Variants in ACAD8 observed in about 807,000 individuals in gnomAD.
ACAD8 encodes acyl-CoA dehydrogenase family member 8.
In ACAD8, 47 loss-of-function variants were observed where a neutral mutation model predicts 53.1. The observed-to-expected ratio is 0.89, with a 90% CI of 0.70 to 1.13. ACAD8 has a LOEUF of 1.13. ACAD8 is among the 50% of genes most tolerant of loss of function. The pLI is 0.00. For missense variants in ACAD8, 494 were observed against 535.0 expected, an observed-to-expected ratio of 0.92 and a Z score of 0.76; for synonymous variants, 198 against 201.3, an observed-to-expected ratio of 0.98 and a Z score of 0.14.
rs553260205 is a variant in ACAD8 at position 134,263,656 on chromosome 11, A to G, written c.1195+1034A>G. 1.1e-5 allele frequency: 11 copies of G among 985,322 alleles called. No homozygotes were observed. In the South Asian group the frequency reaches 3.8e-4, roughly 34 times the overall value. 61.0% of individuals were successfully genotyped at this position (985,322 alleles called of 1,614,324 possible). A position where few individuals can be genotyped will look rare whatever the true frequency, so the allele number is the denominator to read the frequency against. ...AATTCCCGAGAGTCGTTTTCCTTCC[A>G]TTACTCTTGGAATTGCTTTCTCACT... On this transcript the variant is annotated intron_variant, in intron 10 of 10. Transcript: ENST00000281182.
chr11:134,261,303 C>T lies in ACAD8; in HGVS notation c.870C>T (p.Ala290=). 1.2e-6 allele frequency: 2 copies of T among 1,614,214 alleles called. No individual in the cohort carries two copies. Among genetic ancestry groups the T allele is most frequent in the Non-Finnish European group, 1.7e-6 (2 of 1,180,050 alleles). ...CCTGCTCCCTGGGGGCTGCCCACGC[C>T]TCTGTCATCCTCACCCGAGACCACC... is the stretch of plus-strand genomic sequence containing the variant. ...IASCSLGAAH[A]SVILTRDHLN... The change falls in exon 8 of 11, where the codon GCC becomes GCT. Residue 290 remains alanine, a synonymous_variant. Transcript: ENST00000281182. This position sits in a 1 kb window ranked among gnomAD's most constrained non-coding sequence, Gnocchi z 4.2.
At chr11:134,259,908 G>T in intron 6 of ACAD8, 163 bp downstream of exon 6, 1 of 1,481,692 alleles carries the variant, frequency 6.7e-7, no homozygotes, top group Non-Finnish European at 9.1e-7. Context: ...AAATACAACA[G>T]GGCATTATTA....
At position 134,262,530 on chromosome 11, in the gene ACAD8, A is replaced by G. The variant is rs750383034; in HGVS notation, c.1103A>G (p.Gln368Arg). ...ATDECFAICN[Q>R]ALQMHGGYGY... ...CCTGTCTCCCTGCAGATCTGCAACC[A>G]GGCCTTGCAGATGCACGGGGGCTAC... Residue 368 changes from glutamine to arginine, a missense_variant, in exon 10 of 11, where the codon CAG becomes CGG. Coordinates refer to ENST00000281182, the MANE Select transcript of ACAD8 (RefSeq NM_014384.3). 6 of 1,612,102 alleles carry G rather than the reference A, an allele frequency of 3.7e-6. No individual in the cohort carries two copies. The highest frequency in any genetic ancestry group is 5.1e-6 in the Non-Finnish European group (6 of 1,178,258).
At chr11:134,259,840 C>T (rs1939778506) in intron 6 of ACAD8, 95 bp downstream of exon 6, 3 of 1,581,828 alleles carry the variant, frequency 1.9e-6, no homozygotes, top group African/African-American at 2.7e-5. Flanking sequence ...GGTTTGCATA[C>T]TTGCTAACCT....
At chr11:134,257,002 A>C in intron 2 of ACAD8, 86 bp from the exon 3 acceptor site, 1 of 1,412,904 alleles carries the variant, frequency 7.1e-7, no homozygotes, top group South Asian at 1.2e-5. Flanking sequence ...TCGCATGTGC[A>C]AGCCTCCTAA....
intron 10 of ACAD8, 27 bp from the exon 11 acceptor site, chr11:134,264,881 A>T (rs765380709): frequency 8.1e-6 from 13 of 1,611,592 alleles, no homozygotes; most frequent in Non-Finnish European, 1.1e-5. Flanking sequence ...CTGCTGTGAA[A>T]TTCTTCCTCC....
chr11:134,257,133 T>G lies in ACAD8; in HGVS notation c.256T>G (p.Phe86Val). The change falls in exon 3 of 11, where the codon TTC (phenylalanine) becomes GTC (valine). Residue 86 changes from phenylalanine (F) to valine (V), a missense_variant. Coordinates refer to ENST00000281182, the MANE Select transcript of ACAD8 (RefSeq NM_014384.3). ...GATGCGGAAGGCAGCCCAGCTAGGC[T>G]TCGGAGGGGTCTACATACAAACAGA... is the stretch of plus-strand genomic sequence containing the variant. ...DVMRKAAQLG[F>V]GGVYIQTDVG... is the part of the protein sequence containing the mutation. 1 of 1,614,132 alleles carries G rather than the reference T, an allele frequency of 6.2e-7. No individual in the cohort carries two copies. Among genetic ancestry groups the G allele is most frequent in the Non-Finnish European group, 8.5e-7 (1 of 1,180,030 alleles).
At chr11:134,256,751 A>G (rs1372052216) in intron 2 of ACAD8, 103 bp downstream of exon 2, 4 of 1,011,158 alleles carry the variant, frequency 4.0e-6, no homozygotes, top group Non-Finnish European at 5.9e-6. Flanking sequence ...TCCTCCACTT[A>G]CCAACTCTTA....
At chr11:134,262,415 T>C in intron 9 of ACAD8, 105 bp from the exon 10 acceptor site, 1 of 751,960 alleles carries the variant, frequency 1.3e-6, no homozygotes, top group Non-Finnish European at 2.3e-6. Flanking sequence ...GGTTCTTTCA[T>C]GGGTTTATGG....
intron 10 of ACAD8, chr11:134,264,063 G>A (rs1940051999): frequency 1.0e-6 from 1 of 984,424 alleles, no homozygotes; most frequent in Non-Finnish European, 1.2e-6. Context: ...AGGAAAAGTA[G>A]GCTGGGTGCG....
At position 134,264,819 on chromosome 11, in the gene ACAD8, G is replaced by A. The variant is rs1591519677; in HGVS notation, c.1196-89G>A. 4.3e-6 allele frequency: 5 copies of A among 1,175,224 alleles called. No individual in the cohort carries two copies. In the East Asian group the frequency reaches 9.3e-5, roughly 22 times the overall value. 72.8% of individuals were successfully genotyped at this position (1,175,224 alleles called of 1,614,324 possible). On this transcript the variant is annotated intron_variant, in intron 10 of 10. Transcript: ENST00000281182. ...TGTAGTTTAAATCTGCAGCTACTCT[G>A]AACTAGGCCTGGAGCAGCCTGGTCA...
chr11:134,256,893 A>G lies in ACAD8; in HGVS notation c.211-195A>G, dbSNP rs772177388. The G allele has an allele frequency of 4.5e-4, 304 of 682,158 alleles. 1 individual carries two copies. The highest frequency in any genetic ancestry group is 1.1e-4 in the Admixed American group (4 of 34,938). 42.3% of individuals were successfully genotyped at this position (682,158 alleles called of 1,614,324 possible). A position where few individuals can be genotyped will look rare whatever the true frequency, so the allele number is the denominator to read the frequency against. ...TAAGGCAGTTCTATAGATAATAAAAAGAAACTTCTTAATGCCAGAACAAGT... is the reference window on the plus strand; with the variant it reads ...TAAGGCAGTTCTATAGATAATAAAAGGAAACTTCTTAATGCCAGAACAAGT... On this transcript the variant is annotated intron_variant, in intron 2 of 10. Transcript: ENST00000281182.
chr11:134,260,158 C>T, intron 6 of ACAD8: 2 of 1,149,552 alleles, frequency 1.7e-6, no homozygotes, highest in Non-Finnish European at 2.2e-6. Flanking sequence ...AAGTAAAACT[C>T]ATTGGAGATG....
rs776887053 is a variant in ACAD8 at position 134,259,031 on chromosome 11, C to A, written c.514C>A (p.Leu172Ile). The A allele has an allele frequency of 6.2e-7, 1 of 1,614,188 alleles. No homozygotes were observed. Among genetic ancestry groups the A allele is most frequent in the South Asian group, 1.1e-5 (1 of 91,084 alleles). The change falls in exon 5 of 11, where the codon CTT (leucine) becomes ATT (isoleucine). Residue 172 changes from leucine to isoleucine, a missense_variant. Coordinates refer to ENST00000281182, the MANE Select transcript of ACAD8 (RefSeq NM_014384.3). ...AGGAAGTGGGAGTGATGCTGCCTCT[C>A]TTCTGACCTCCGCTAAGAAACAGGG... ...EPGSGSDAASLLTSAKKQGDH... is the reference protein window; with the variant it reads ...EPGSGSDAASILTSAKKQGDH...
At position 134,261,323 on chromosome 11, in the gene ACAD8, A is replaced by G; in HGVS notation, c.890A>G (p.Asp297Gly). Residue 297 changes from aspartate to glycine, a missense_variant, in exon 8 of 11, where the codon GAC becomes GGC. By Grantham distance (94) the Asp-to-Gly change is moderately conservative. Transcript: ENST00000281182. This position sits in a 1 kb window ranked among gnomAD's most constrained non-coding sequence, Gnocchi z 4.2. Reference protein sequence around the residue: ...AAHASVILTRDHLNVRKQFGE... With the variant: ...AAHASVILTRGHLNVRKQFGE... ...CACGCCTCTGTCATCCTCACCCGAG[A>G]CCACCTCAATGTCCGGAAGCAGTTT... 6.2e-7 allele frequency: 1 copy of G among 1,614,032 alleles called. No homozygotes were observed. The highest frequency in any genetic ancestry group is 8.5e-7 in the Non-Finnish European group (1 of 1,180,024).
Position 134,261,814 on chromosome 11 carries a change from C to A in ACAD8, c.1016C>A (p.Ala339Asp). 1 of 1,614,214 alleles carries A rather than the reference C, an allele frequency of 6.2e-7. No homozygotes were observed. ...ARLMVRNAAV[A>D]LQEERKDAVA... ...CTGATGGTCCGCAATGCAGCAGTGG[C>A]TCTGCAGGAGGAGAGGAAGGATGCA... is the stretch of plus-strand genomic sequence containing the variant. The change falls in exon 9 of 11, where the codon GCT becomes GAT. Residue 339 changes from alanine to aspartate, a missense_variant. Coordinates refer to ENST00000281182, the MANE Select transcript of ACAD8 (RefSeq NM_014384.3). This position sits in a 1 kb window ranked among gnomAD's most constrained non-coding sequence, Gnocchi z 4.2.
intron 10 of ACAD8, chr11:134,264,054 G>C: frequency 1.0e-6 from 1 of 984,900 alleles, no homozygotes; most frequent in Non-Finnish European, 1.2e-6. Context: ...TATAAAATTA[G>C]GAAAAGTAGG....
chr11:134,258,744 G>T, intron 4 of ACAD8, 120 bp downstream of exon 4: 1 of 833,636 alleles, frequency 1.2e-6, no homozygotes, highest in Non-Finnish European at 2.0e-6. Flanking sequence ...TAGCTGTTTG[G>T]TTGAGGAGTA....
intron 10 of ACAD8, chr11:134,263,358 G>A (rs1329266555): frequency 4.0e-6 from 4 of 989,000 alleles, no homozygotes; most frequent in Non-Finnish European, 4.8e-6. Context: ...ACCTCAGCCT[G>A]TGCTGGAATC....
Sources: gnomAD v4.1 joint callset for allele counts on GRCh38, gnomAD v4.1.1 for gene constraint, Gnocchi (gnomAD v3.1) non-coding constraint, MANE v1.5 for transcripts, NCBI Gene and HGNC (gene_info 2026-07-23, HGNC 2026-07-21) for gene names.